Variants in ADCY8 observed in about 807,000 individuals in gnomAD.
ADCY8 encodes adenylate cyclase 8.
In ADCY8, 51 loss-of-function variants were observed where a neutral mutation model predicts 119.7. That is an observed-to-expected ratio of 0.43 (90% CI 0.34 to 0.54). The LOEUF is 0.54. ADCY8 is among the 20% of genes least tolerant of loss of function. The probability of loss-of-function intolerance (pLI) is 0.03; values close to 1 mark genes in which losing one functional copy is unlikely to be tolerated. For missense variants in ADCY8, 1,383 were observed against 1,598.8 expected (o/e 0.87, Z 2.30); for synonymous variants, 665 against 651.0 (o/e 1.02, Z -0.33).
In ADCY8 at chr8:130,847,504, C is replaced by T. The variant is rs1817369119; in HGVS notation, c.2422G>A (p.Asp808Asn). 3 of 1,563,108 alleles carry T rather than the reference C, an allele frequency of 1.9e-6. No homozygotes were observed. Among genetic ancestry groups the T allele is most frequent in the Non-Finnish European group, 2.6e-6 (3 of 1,139,176 alleles). ...TTCAAGGGTATCGACTTGTCAAAAT[C>T]ACACCACAGCTGCGGATTAAAAAAA... is the stretch of plus-strand genomic sequence containing the variant. ...LGAILNILWC[D>N]FDKSIPLKNL... The change falls in exon 11 of 18, where the codon GAT becomes AAT. Residue 808 changes from aspartate (D) to asparagine (N), a missense_variant. Physicochemically the swap from Asp to Asn is conservative, Grantham distance 23. Transcript: ENST00000286355.
At chr8:130,878,857 T>G (rs1300447982) in intron 8 of ADCY8, among the ~76,000 whole-genome samples, 7 of 152,222 alleles carry the variant, frequency 4.6e-5, no homozygotes, top group Admixed American at 4.6e-4. Flanking sequence ...TGATATGGCT[T>G]GATTATCACA....
intron 5 of ADCY8, among the ~76,000 whole-genome samples, chr8:130,934,748 A>G (rs1466174915): frequency 6.6e-6 from 1 of 152,198 alleles, no homozygotes; most frequent in African/African-American, 2.4e-5. Flanking sequence ...ATAGTTCCTA[A>G]AGTGGAGTAC....
intron 15 of ADCY8, 38 bp downstream of exon 15, chr8:130,800,388 C>T: frequency 6.2e-7 from 1 of 1,612,294 alleles, no homozygotes; most frequent in Non-Finnish European, 8.5e-7. Context: ...GACAACGATG[C>T]CCATTTGTGA....
intron 4 of ADCY8, among the ~76,000 whole-genome samples, chr8:130,940,576 G>A (rs185101169): frequency 1.5e-4 from 23 of 152,120 alleles, no homozygotes; most frequent in Non-Finnish European, 1.5e-4. Flanking sequence ...ATCTGTCAAG[G>A]TCTGTCAATT....
At chr8:130,963,067 G>A (rs886458252) in intron 2 of ADCY8, among the ~76,000 whole-genome samples, 2 of 151,338 alleles carry the variant, frequency 1.3e-5, no homozygotes, top group Admixed American at 6.6e-5. Context: ...TCAGAGTCAC[G>A]CATTTGGTAA....
At chr8:130,800,707 G>A (rs1012964951) in intron 14 of ADCY8, 135 bp from the exon 15 acceptor site, 15 of 956,608 alleles carry the variant, frequency 1.6e-5, no homozygotes, top group Non-Finnish European at 1.9e-5. Context: ...CTTGGATATC[G>A]TTATGTCAAC....
intron 3 of ADCY8, among the ~76,000 whole-genome samples, chr8:130,950,161 C>T (rs1821227618): frequency 6.6e-6 from 1 of 152,196 alleles, no homozygotes; most frequent in Non-Finnish European, 1.5e-5. Flanking sequence ...TTTGAAGTTG[C>T]TTAATGTAAG....
intron 5 of ADCY8, chr8:130,935,658 C>G (rs932633516): frequency 2.0e-5 from 3 of 152,214 alleles, no homozygotes; most frequent in African/African-American, 4.8e-5. Flanking sequence ...CACTTGAAGA[C>G]TGTTGAGTGA....
chr8:131,015,095 A>G (rs1031918730), intron 1 of ADCY8, among the ~76,000 whole-genome samples: 1 of 152,188 alleles, frequency 6.6e-6, no homozygotes, highest in Non-Finnish European at 1.5e-5. Flanking sequence ...TCTTCAAACT[A>G]TATTTTTGGA....
At chr8:130,959,249 T>G (rs1821526643) in intron 2 of ADCY8, among the ~76,000 whole-genome samples, 1 of 152,228 alleles carries the variant, frequency 6.6e-6, no homozygotes, top group African/African-American at 2.4e-5. Flanking sequence ...ATGGAAGACA[T>G]TGGAATTGTC....
At chr8:130,845,535 C>T (rs1050317162) in intron 11 of ADCY8, among the ~76,000 whole-genome samples, 2 of 152,164 alleles carry the variant, frequency 1.3e-5, no homozygotes, top group Non-Finnish European at 1.5e-5. Flanking sequence ...TAGCTCTGAC[C>T]ATCCAATTCT....
At chr8:131,003,475 G>T (rs984579585) in intron 1 of ADCY8, among the ~76,000 whole-genome samples, 2 of 152,122 alleles carry the variant, frequency 1.3e-5, no homozygotes, top group African/African-American at 4.8e-5. Flanking sequence ...ATTATTCCAG[G>T]AGTGTTTTGC....
chr8:131,040,161 C>T lies in ADCY8; in HGVS notation c.173G>A (p.Ser58Asn), dbSNP rs976315149. ...GCCCGAGCCTCCACTCCCGCTGCCGCTGCCTCCCCGGTGCCCGTGAATGAA... is the reference window on the plus strand; with the variant it reads ...GCCCGAGCCTCCACTCCCGCTGCCGTTGCCTCCCCGGTGCCCGTGAATGAA... The part of the protein sequence containing the change: ...QRFIHGHRGG[S>N]GSGSGGSGKA... The change falls in exon 1 of 18, where the codon AGC becomes AAC. Residue 58 changes from serine to asparagine, a missense_variant. By Grantham distance (46) the Ser-to-Asn change is conservative. This residue lies in a region of ADCY8 where 455 missense variants were observed against 435.3 expected (regional missense o/e 1.05). Coordinates refer to ENST00000286355, the MANE Select transcript of ADCY8 (RefSeq NM_001115.3). 2.6e-6 allele frequency: 4 copies of T among 1,533,202 alleles called. No homozygotes were observed. In the African/African-American group the frequency reaches 5.5e-5, roughly 21 times the overall value. The allele number at this position is 1,533,202 out of a possible 1,614,324, so 95.0% of individuals were successfully genotyped here.
At chr8:130,862,664 C>T (rs373448241) in intron 9 of ADCY8, among the ~76,000 whole-genome samples, 26 of 152,164 alleles carry the variant, frequency 1.7e-4, no homozygotes, top group African/African-American at 6.3e-4. Context: ...CTGCCCGCCT[C>T]GGCCTCCCAA....
intron 13 of ADCY8, among the ~76,000 whole-genome samples, chr8:130,814,902 T>G (rs149506246): frequency 6.6e-6 from 1 of 152,324 alleles, no homozygotes; most frequent in African/African-American, 2.4e-5. Context: ...GGTGCTTCTA[T>G]CTGTTCGACT....
chr8:131,004,832 T>A (rs186396131), intron 1 of ADCY8, among the ~76,000 whole-genome samples: 1 of 152,260 alleles, frequency 6.6e-6, no homozygotes, highest in Non-Finnish European at 1.5e-5. Context: ...TAAATTAGAT[T>A]CTCATGGACA....
chr8:130,947,743 C>T (rs1821146176), intron 3 of ADCY8, among the ~76,000 whole-genome samples: 1 of 152,162 alleles, frequency 6.6e-6, no homozygotes, highest in Non-Finnish European at 1.5e-5. Context: ...AAACATGTCT[C>T]CCAGACAGAC....
chr8:130,931,096 C>T (rs184377340), intron 5 of ADCY8, among the ~76,000 whole-genome samples: 186 of 152,278 alleles, frequency 1.2e-3, no homozygotes, highest in African/African-American at 4.1e-3. Flanking sequence ...GCTAGAACTT[C>T]CTTTAGCGTT....
chr8:130,861,734 G>T (rs1817935621), intron 9 of ADCY8, among the ~76,000 whole-genome samples: 1 of 149,946 alleles, frequency 6.7e-6, no homozygotes, highest in Non-Finnish European at 1.5e-5. Flanking sequence ...TGGTGAGAGT[G>T]TATTTTTGTT....
Sources: gnomAD v4.1 joint callset for allele counts (sites outside exome capture counted in the v4.1 genomes callset) on GRCh38, gnomAD v4.1.1 for gene constraint, gnomAD v4.1.1 regional missense constraint, MANE v1.5 for transcripts, NCBI Gene and HGNC (gene_info 2026-07-23, HGNC 2026-07-21) for gene names.